Variants in CLSTN2 observed in about 807,000 individuals in gnomAD.
CLSTN2 encodes calsyntenin 2, also known as calsyntenin-2.
CLSTN2 carries 48 observed loss-of-function variants against 101.2 expected under a neutral mutation model. The observed-to-expected ratio is 0.47, with a 90% CI of 0.38 to 0.60. CLSTN2 has a LOEUF of 0.60. Ranked by LOEUF, CLSTN2 falls within the 20% of genes least tolerant of loss-of-function variation. The pLI, the probability that CLSTN2 is intolerant of heterozygous loss-of-function variation, is 0.00. For synonymous variants in CLSTN2, 481 were observed against 463.6 expected, an observed-to-expected ratio of 1.04 and a Z score of -0.48; for missense variants, 1,160 against 1,238.2, an observed-to-expected ratio of 0.94 and a Z score of 0.95.
intron 9 of CLSTN2, among the ~76,000 whole-genome samples, chr3:140,534,948 C>G (rs546716563): frequency 6.6e-6 from 1 of 152,320 alleles, no homozygotes; most frequent in South Asian, 2.1e-4. Context: ...TGGTTCCAGG[C>G]TCAATGTCCA....
chr3:140,126,465 T>G (rs1296032069), intron 1 of CLSTN2, among the ~76,000 whole-genome samples: 2 of 152,056 alleles, frequency 1.3e-5, no homozygotes. Context: ...CACATACTTG[T>G]GCAAAAAAAG....
At chr3:140,143,096 A>G (rs1297644452) in intron 1 of CLSTN2, among the ~76,000 whole-genome samples, 1 of 152,206 alleles carries the variant, frequency 6.6e-6, no homozygotes, top group Non-Finnish European at 1.5e-5. Context: ...ATGTGTCTGC[A>G]GCATCTAACA....
At chr3:140,305,370 T>C (rs968739659) in intron 2 of CLSTN2, among the ~76,000 whole-genome samples, 2 of 152,230 alleles carry the variant, frequency 1.3e-5, no homozygotes, top group African/African-American at 4.8e-5. Flanking sequence ...TCCCATTAGA[T>C]AGTGTCTTCG....
At chr3:140,392,921 G>C (rs114980391) in intron 2 of CLSTN2, among the ~76,000 whole-genome samples, 4 of 151,924 alleles carry the variant, frequency 2.6e-5, no homozygotes, top group African/African-American at 9.7e-5. Flanking sequence ...CCTTCTTGCC[G>C]GTGGGGACTC....
At chr3:139,977,426 C>A (rs1424242991) in intron 1 of CLSTN2, among the ~76,000 whole-genome samples, 2 of 152,188 alleles carry the variant, frequency 1.3e-5, no homozygotes, top group African/African-American at 4.8e-5. Context: ...TCTTACTACA[C>A]TGACCTCTGT....
intron 1 of CLSTN2, among the ~76,000 whole-genome samples, chr3:140,003,533 T>C (rs1211837150): frequency 6.6e-6 from 1 of 152,198 alleles, no homozygotes; most frequent in East Asian, 1.9e-4. Flanking sequence ...CTTTCTCTTT[T>C]CTGATTGCTC....
chr3:140,237,653 C>T (rs2086429258), intron 2 of CLSTN2, among the ~76,000 whole-genome samples: 1 of 152,150 alleles, frequency 6.6e-6, no homozygotes, highest in African/African-American at 2.4e-5. Flanking sequence ...TAAGCTGAGA[C>T]ATAACATTTA....
chr3:140,468,658 T>C (rs1933766035), intron 8 of CLSTN2, among the ~76,000 whole-genome samples: 1 of 152,240 alleles, frequency 6.6e-6, no homozygotes, highest in Non-Finnish European at 1.5e-5. Flanking sequence ...TGAGGTCCAG[T>C]AGCTTGCGCA....
chr3:139,993,978 C>T (rs981185823), intron 1 of CLSTN2, among the ~76,000 whole-genome samples: 4 of 152,120 alleles, frequency 2.6e-5, no homozygotes, highest in Non-Finnish European at 4.4e-5. Flanking sequence ...GGGGTGGTTC[C>T]GTGGCTTGCT....
At chr3:140,284,068 T>TA (rs1187266679) in intron 2 of CLSTN2, among the ~76,000 whole-genome samples, 1 of 152,176 alleles carries the variant, frequency 6.6e-6, no homozygotes, top group Non-Finnish European at 1.5e-5. Flanking sequence ...TTGATGCAAT[T>TA]ATTGATCAAA....
At chr3:140,443,594 G>A (rs919958588) in intron 5 of CLSTN2, among the ~76,000 whole-genome samples, 1 of 152,220 alleles carries the variant, frequency 6.6e-6, no homozygotes, top group East Asian at 1.9e-4. Flanking sequence ...GGCAGGGCAG[G>A]CTGCTCCCTT....
chr3:140,090,806 G>A (rs1029080412), intron 1 of CLSTN2, among the ~76,000 whole-genome samples: 2 of 152,072 alleles, frequency 1.3e-5, no homozygotes, highest in African/African-American at 4.8e-5. Flanking sequence ...ACATAGTAAG[G>A]GCAAGATAGA....
rs536923218 is a variant in CLSTN2 at position 140,331,662 on chromosome 3, C to T, written c.233-71967C>T. On this transcript the variant is annotated intron_variant, in intron 2 of 16. Coordinates refer to ENST00000458420, the MANE Select transcript of CLSTN2 (RefSeq NM_022131.3). Reference sequence around the variant, plus strand: ...ATAGGCTTGTTGTGGTCCTCAGTCACCTGGACTTCTGCCCTATGTCTGATG... The same window carrying T: ...ATAGGCTTGTTGTGGTCCTCAGTCATCTGGACTTCTGCCCTATGTCTGATG... Among the ~76,000 whole-genome samples, 155 of 152,334 alleles carry T rather than the reference C, an allele frequency of 1.0e-3. 1 individual carries two copies. The highest frequency in any genetic ancestry group is 2.0e-3 in the Admixed American group (30 of 15,312).
intron 1 of CLSTN2, among the ~76,000 whole-genome samples, chr3:140,092,016 A>C (rs1295954495): frequency 2.0e-5 from 3 of 152,194 alleles, no homozygotes; most frequent in Non-Finnish European, 1.5e-5. Context: ...GAAGCTTTAC[A>C]GAGAGCAGGT....
At chr3:139,942,560 C>T (rs1341439690) in intron 1 of CLSTN2, among the ~76,000 whole-genome samples, 1 of 152,156 alleles carries the variant, frequency 6.6e-6, no homozygotes, top group East Asian at 1.9e-4. Flanking sequence ...GAGAGGTGTG[C>T]ATGGCAAGGG....
chr3:140,114,090 G>A (rs1396956899), intron 1 of CLSTN2, among the ~76,000 whole-genome samples: 2 of 152,096 alleles, frequency 1.3e-5, no homozygotes, highest in East Asian at 3.9e-4. Context: ...TTCAGGATGA[G>A]GCTCAGATTC....
At chr3:139,974,068 G>A (rs1017186710) in intron 1 of CLSTN2, among the ~76,000 whole-genome samples, 11 of 152,202 alleles carry the variant, frequency 7.2e-5, no homozygotes, top group Admixed American at 7.2e-4. Context: ...GGAACTTAGG[G>A]TGGAAACTGC....
intron 1 of CLSTN2, among the ~76,000 whole-genome samples, chr3:139,943,712 C>T (rs1417046114): frequency 6.6e-6 from 1 of 152,202 alleles, no homozygotes; most frequent in Non-Finnish European, 1.5e-5. Context: ...TACCGGTTCC[C>T]ATCCCAAAGG....
At chr3:140,542,318 C>T (rs1375182483) in intron 9 of CLSTN2, among the ~76,000 whole-genome samples, 2 of 152,182 alleles carry the variant, frequency 1.3e-5, no homozygotes, top group Non-Finnish European at 2.9e-5. Context: ...CTTAAATTAA[C>T]TGAATCTAAC....
Sources: gnomAD v4.1 joint callset for allele counts (sites outside exome capture counted in the v4.1 genomes callset) on GRCh38, gnomAD v4.1.1 for gene constraint, MANE v1.5 for transcripts, NCBI Gene and HGNC (gene_info 2026-07-23, HGNC 2026-07-21) for gene names.